Variants in CACNA1D observed in about 807,000 individuals in gnomAD.
CACNA1D encodes the protein voltage-dependent L-type calcium channel subunit alpha-1D.
CACNA1D carries 55 observed loss-of-function variants against 257.1 expected under a neutral mutation model. The observed-to-expected ratio is 0.21, with a 90% CI of 0.17 to 0.27. The LOEUF (loss-of-function observed/expected upper bound fraction) is 0.27. Ranked by LOEUF, CACNA1D falls within the 10% of genes least tolerant of loss-of-function variation. The pLI is 1.00. For missense variants in CACNA1D, 1,876 were observed against 2,784.0 expected, an observed-to-expected ratio of 0.67 and a Z score of 7.34; for synonymous variants, 980 against 1,014.9, an observed-to-expected ratio of 0.97 and a Z score of 0.65.
intron 8 of CACNA1D, among the ~76,000 whole-genome samples, chr3:53,691,761 A>ATATAATATATATATTATATC (rs1290416375): frequency 1.7e-5 from 2 of 116,856 alleles, no homozygotes; most frequent in African/African-American, 3.3e-5. Flanking sequence ...TATATATTAC[A>ATATAATATATATATTATATC]TATAATATAT....
In CACNA1D at chr3:53,765,705, T is replaced by C. The variant is rs146483823; in HGVS notation, c.3870+3624T>C. On this transcript the variant is annotated intron_variant, in intron 30 of 47. Transcript: ENST00000350061. ...CAACATAGTCTTCCAGAATGAATGA[T>C]CTGGCTGAGAAATGATTGAATTCAG... 841 of 152,662 alleles carry C rather than the reference T, an allele frequency of 5.5e-3. 7 individuals carry two copies. Among genetic ancestry groups the C allele is most frequent in the Non-Finnish European group, 7.7e-3 (521 of 68,034 alleles). 9.5% of individuals were successfully genotyped at this position (152,662 alleles called of 1,614,324 possible). A position where few individuals can be genotyped will look rare whatever the true frequency, so the allele number is the denominator to read the frequency against.
chr3:53,621,170 G>T (rs1431444055), intron 3 of CACNA1D, among the ~76,000 whole-genome samples: 1 of 152,122 alleles, frequency 6.6e-6, no homozygotes, highest in Admixed American at 6.6e-5. Flanking sequence ...CCAGAGCTGT[G>T]AATTCCCAGA....
intron 3 of CACNA1D, among the ~76,000 whole-genome samples, chr3:53,575,025 A>G (rs2093012219): frequency 6.6e-6 from 1 of 152,202 alleles, no homozygotes; most frequent in South Asian, 2.1e-4. Flanking sequence ...TAAGTGTTCG[A>G]GGTCTTCTTT....
chr3:53,728,205 C>T (rs1489616227), intron 15 of CACNA1D, among the ~76,000 whole-genome samples: 1 of 152,178 alleles, frequency 6.6e-6, no homozygotes, highest in African/African-American at 2.4e-5. Flanking sequence ...GTGGTGCAAT[C>T]TCGGCTCACT....
chr3:53,653,906 G>A (rs923711764), intron 4 of CACNA1D, among the ~76,000 whole-genome samples: 1 of 152,184 alleles, frequency 6.6e-6, no homozygotes, highest in African/African-American at 2.4e-5. Context: ...TAATCAAATT[G>A]TTAAAAACCA....
At chr3:53,631,498 C>T (rs2093822313) in intron 3 of CACNA1D, among the ~76,000 whole-genome samples, 2 of 152,206 alleles carry the variant, frequency 1.3e-5, no homozygotes, top group Admixed American at 6.5e-5. Context: ...TCTTGAACCC[C>T]TCAAAGTCAT....
rs543780451 is a variant in CACNA1D, at chr3:53,723,102, G to A, written c.1667-332G>A. ...ATATGTATAACCTGATGGTGTCAAC[G>A]CAGAATCGTAGGCTTTTAGGGCTGG... On this transcript the variant is annotated intron_variant, in intron 12 of 47. Coordinates refer to ENST00000350061, the MANE Select transcript of CACNA1D (RefSeq NM_001128840.3). This position sits in a 1 kb window ranked among gnomAD's most constrained non-coding sequence, Gnocchi z 5.6. 1.2e-4 allele frequency among the ~76,000 whole-genome samples: 18 copies of A among 152,240 alleles called. No homozygotes were observed. The South Asian group carries it at 3.1e-3, about 26-fold the overall frequency.
chr3:53,711,744 A>G (rs1007125701), intron 9 of CACNA1D, among the ~76,000 whole-genome samples: 1 of 152,246 alleles, frequency 6.6e-6, no homozygotes, highest in South Asian at 2.1e-4. Flanking sequence ...GAAGAGGGTT[A>G]TATTAGAGTC....
At chr3:53,788,036 C>T (rs985627913) in intron 40 of CACNA1D, among the ~76,000 whole-genome samples, 22 of 152,244 alleles carry the variant, frequency 1.4e-4, no homozygotes, top group Middle Eastern at 3.4e-3. Flanking sequence ...GGGAAAAATG[C>T]GCAGCGTTGT....
chr3:53,710,226 C>T (rs1014143825), intron 9 of CACNA1D, among the ~76,000 whole-genome samples: 1 of 152,214 alleles, frequency 6.6e-6, no homozygotes, highest in Non-Finnish European at 1.5e-5. Flanking sequence ...CACTTCCTCT[C>T]CGCTGTTCTG....
At position 53,774,525 on chromosome 3, in the gene CACNA1D, C is replaced by T. The variant is rs2095385628; in HGVS notation, c.4111-62C>T. 2.0e-6 allele frequency: 2 copies of T among 988,946 alleles called. No individual in the cohort carries two copies. Among genetic ancestry groups the T allele is most frequent in the Non-Finnish European group, 3.3e-6 (2 of 609,634 alleles). 61.3% of individuals were successfully genotyped at this position (988,946 alleles called of 1,614,324 possible). On this transcript the variant is annotated intron_variant, in intron 33 of 47. Transcript: ENST00000350061. This position sits in a 1 kb window ranked among gnomAD's most constrained non-coding sequence, Gnocchi z 4.3. ...CAAACCTGAGTTAGTTCTAAATTCA[C>T]ATACGGATTTTTTTTGCATGACGAA...
intron 9 of CACNA1D, among the ~76,000 whole-genome samples, chr3:53,703,124 A>C (rs1384538456): frequency 6.6e-6 from 1 of 152,240 alleles, no homozygotes; most frequent in Admixed American, 6.5e-5. Flanking sequence ...GTGATGAGAC[A>C]CATATTCTTG....
chr3:53,730,349 C>G, intron 15 of CACNA1D, 93 bp from the exon 16 acceptor site: 1 of 829,436 alleles, frequency 1.2e-6, no homozygotes, highest in South Asian at 1.4e-5. Context: ...TTACTACCAG[C>G]TTCCCGGGAT....
intron 3 of CACNA1D, among the ~76,000 whole-genome samples, chr3:53,619,708 C>T: frequency 6.6e-6 from 1 of 152,196 alleles, no homozygotes; most frequent in East Asian, 1.9e-4. Context: ...ACTTAACTGG[C>T]CACCAGTCCA....
At chr3:53,741,002 C>T (rs986733641) in intron 21 of CACNA1D, among the ~76,000 whole-genome samples, 2 of 152,208 alleles carry the variant, frequency 1.3e-5, no homozygotes, top group Non-Finnish European at 2.9e-5. Context: ...GATGGGCTTA[C>T]ATTTACACAA....
intron 3 of CACNA1D, among the ~76,000 whole-genome samples, chr3:53,642,173 C>CGCTG (rs1338094076): frequency 1.3e-5 from 2 of 152,288 alleles, no homozygotes; most frequent in South Asian, 4.1e-4. Flanking sequence ...TTCTGAGTTT[C>CGCTG]GCTGGCTGGC....
chr3:53,612,784 A>G (rs964672498), intron 3 of CACNA1D, among the ~76,000 whole-genome samples: 2 of 152,220 alleles, frequency 1.3e-5, no homozygotes, highest in Non-Finnish European at 2.9e-5. Context: ...AAGCTGGGGC[A>G]GTCGTGAAGC....
chr3:53,626,180 T>A (rs757085099), intron 3 of CACNA1D, among the ~76,000 whole-genome samples: 2 of 152,184 alleles, frequency 1.3e-5, no homozygotes, highest in Non-Finnish European at 2.9e-5. Context: ...ACTGGTGTAG[T>A]GTGGCAGGTT....
At chr3:53,630,151 A>G (rs1323388613) in intron 3 of CACNA1D, among the ~76,000 whole-genome samples, 1 of 152,250 alleles carries the variant, frequency 6.6e-6, no homozygotes, top group Non-Finnish European at 1.5e-5. Flanking sequence ...TTATTTGCCA[A>G]TCTGATGAAG....
Sources: gnomAD v4.1 joint callset for allele counts (sites outside exome capture counted in the v4.1 genomes callset) on GRCh38, gnomAD v4.1.1 for gene constraint, Gnocchi (gnomAD v3.1) non-coding constraint, MANE v1.5 for transcripts, NCBI Gene and HGNC (gene_info 2026-07-23, HGNC 2026-07-21) for gene names.